DAPK2: variants seen among roughly 807,000 people sequenced by gnomAD.
DAPK2 encodes the protein death-associated protein kinase 2.
DAPK2 carries 35 observed loss-of-function variants against 44.1 expected under a neutral mutation model. That is an observed-to-expected ratio of 0.79 (90% CI 0.61 to 1.05). The LOEUF is 1.05. Ranked by LOEUF, DAPK2 falls within the 50% of genes least tolerant of loss-of-function variation. The pLI, the probability that DAPK2 is intolerant of heterozygous loss-of-function variation, is 0.00. For synonymous variants in DAPK2, 174 were observed against 182.6 expected (o/e 0.95, Z 0.38); for missense variants, 453 against 483.2 (o/e 0.94, Z 0.59).
At chr15:63,971,452 T>A in exon 3 of DAPK2, 1 of 1,614,232 alleles carries the variant, frequency 6.2e-7, no homozygotes, top group Non-Finnish European at 8.5e-7. Context: ...ATTTTCTTTG[T>A]GTGAAGGTAG....
intron 2 of DAPK2, among the ~76,000 whole-genome samples, chr15:63,981,446 T>C (rs1780377724): frequency 1.3e-5 from 2 of 152,218 alleles, no homozygotes; most frequent in Non-Finnish European, 2.9e-5. Context: ...GAAATACTGG[T>C]ATGCAATTCA....
chr15:63,929,617 C>T, intron 5 of DAPK2, 40 bp from the exon 7 acceptor site: 1 of 1,613,338 alleles, frequency 6.2e-7, no homozygotes, highest in Non-Finnish European at 8.5e-7. Context: ...CCACCTGGGT[C>T]CCATCCCCGA....
Position 64,020,222 on chromosome 15 carries a change from T to C in DAPK2, c.92+19948A>G, listed in dbSNP as rs902754788. On this transcript the variant is annotated intron_variant, in intron 1 of 10. Coordinates refer to ENST00000261891, the Ensembl canonical transcript of DAPK2. This position sits in a 1 kb window ranked among gnomAD's most constrained non-coding sequence, Gnocchi z 4.5. Reference sequence around the variant, plus strand: ...GGGGAAAGGAAACTGAGGACTTGCCTAAGCACAGGCAGCTCCAGAGCCAAA... The same window carrying C: ...GGGGAAAGGAAACTGAGGACTTGCCCAAGCACAGGCAGCTCCAGAGCCAAA... Among the ~76,000 whole-genome samples, 3 of 152,210 alleles carry C rather than the reference T, an allele frequency of 2.0e-5. No individual in the cohort carries two copies. The highest frequency in any genetic ancestry group is 7.2e-5 in the African/African-American group (3 of 41,450).
chr15:63,972,351 T>A (rs7182498), intron 2 of DAPK2, among the ~76,000 whole-genome samples: 2 of 151,962 alleles, frequency 1.3e-5, no homozygotes, highest in East Asian at 1.9e-4. Flanking sequence ...GGGTGCCAAC[T>A]AGAAAAAGCC....
chr15:63,944,333 T>C (rs2077395709), intron 3 of DAPK2, among the ~76,000 whole-genome samples: 1 of 152,164 alleles, frequency 6.6e-6, no homozygotes, highest in Non-Finnish European at 1.5e-5. Flanking sequence ...ACAGAGGCCA[T>C]GGCTCCCTGC....
In DAPK2 at chr15:63,925,750, G is replaced by A. The variant is rs150948524; in HGVS notation, c.812+191C>T. 1.5e-4 allele frequency among the ~76,000 whole-genome samples: 22 copies of A among 149,068 alleles called. No homozygotes were observed. In the Middle Eastern group the frequency reaches 0.01, roughly 70 times the overall value. On this transcript the variant is annotated intron_variant, in intron 7 of 10. Transcript: ENST00000261891. ...ATTTACATTTCAACAGGAGAAGAAA[G>A]CAGAAAGACTTGAGCAAACAAGATG...
chr15:63,929,507 C>T (rs368133104), intron 6 of DAPK2, 44 bp downstream of exon 7: 1 of 1,613,410 alleles, frequency 6.2e-7, no homozygotes, highest in Non-Finnish European at 8.5e-7. Flanking sequence ...TCTGGTTCCC[C>T]CAGATCTAAG....
chr15:63,984,661 A>T (rs2078622489), intron 1 of DAPK2, among the ~76,000 whole-genome samples: 1 of 152,210 alleles, frequency 6.6e-6, no homozygotes, highest in African/African-American at 2.4e-5. Context: ...ATTTGCCATC[A>T]TTGCCCCATG....
intron 1 of DAPK2, among the ~76,000 whole-genome samples, chr15:64,025,473 G>A (rs1171224788): frequency 2.6e-5 from 4 of 152,174 alleles, no homozygotes; most frequent in East Asian, 1.9e-4. Context: ...CTGGAAGGAT[G>A]TCAGGGCAAG....
chr15:64,041,239 C>T (rs1177996295), upstream of DAPK2, among the ~76,000 whole-genome samples: 1 of 152,128 alleles, frequency 6.6e-6, no homozygotes, highest in African/African-American at 2.4e-5. Flanking sequence ...GAGTCAGGAG[C>T]CTGAGGTGCT....
intron 6 of DAPK2, among the ~76,000 whole-genome samples, chr15:63,926,793 A>ACTCCCTTGATGAATCACATTACTT (rs1445253538): frequency 6.6e-6 from 1 of 151,952 alleles, no homozygotes; most frequent in Non-Finnish European, 1.5e-5. Flanking sequence ...CATTCCAAGC[A>ACTCCCTTGATGAATCACATTACTT]CTCCCTTGAT....
chr15:63,938,406 G>T (rs527860966), intron 4 of DAPK2, among the ~76,000 whole-genome samples: 8 of 152,244 alleles, frequency 5.3e-5, no homozygotes, highest in Non-Finnish European at 1.0e-4. Flanking sequence ...CCTGGGATCT[G>T]TGGGGTCTCT....
At chr15:64,041,407 C>A (rs7173139), upstream of DAPK2, among the ~76,000 whole-genome samples, 30,064 of 152,198 alleles carry the variant, frequency 0.2, 3,050 homozygotes, top group South Asian at 0.24. Context: ...TACCACTCCA[C>A]CAGAAAAGAC....
rs939539718 is a variant in DAPK2, at chr15:63,908,568, G to C, written c.1065C>G (p.Ile355Met). The C allele has an allele frequency of 1.1e-5, 18 of 1,602,158 alleles. No homozygotes were observed. Among genetic ancestry groups the C allele is most frequent in the Non-Finnish European group, 1.4e-5 (17 of 1,175,632 alleles). ...GTGGGTGGAGGGCTTTCCTCCTGGC[G>C]ATGTCCTCCTCAGTGTCACTCTCAC... The change falls in exon 11 of 11, where the codon ATC (isoleucine) becomes ATG (methionine). Residue 355 changes from isoleucine (I) to methionine (M), a missense_variant. Coordinates refer to ENST00000261891, the Ensembl canonical transcript of DAPK2. The surrounding 1 kb of genome is among the most constrained non-coding windows in gnomAD (Gnocchi z 5.7).
chr15:64,002,633 T>C (rs531493628), intron 1 of DAPK2, among the ~76,000 whole-genome samples: 1 of 152,200 alleles, frequency 6.6e-6, no homozygotes, highest in Admixed American at 6.5e-5. Context: ...GAGGCTCACA[T>C]AGCAATGCAA....
chr15:63,972,455 G>A (rs2078239109), intron 2 of DAPK2, among the ~76,000 whole-genome samples: 1 of 152,174 alleles, frequency 6.6e-6, no homozygotes, highest in Non-Finnish European at 1.5e-5. Context: ...TACCTAAGTG[G>A]CCATCAACAA....
Position 64,013,246 on chromosome 15 carries a change from G to A in DAPK2, c.92+26924C>T, listed in dbSNP as rs950458518. 1.3e-5 allele frequency among the ~76,000 whole-genome samples: 2 copies of A among 152,214 alleles called. No individual in the cohort carries two copies. The highest frequency in any genetic ancestry group is 1.9e-4 in the East Asian group (1 of 5,200). ...AGTCTAACTCCCTTGTTCTGCATGG[G>A]ATTATGGAAATGGGGTAACCTGCCA... is the stretch of plus-strand genomic sequence containing the variant. On this transcript the variant is annotated intron_variant, in intron 1 of 10. Coordinates refer to ENST00000261891, the Ensembl canonical transcript of DAPK2. The surrounding 1 kb of genome is among the most constrained non-coding windows in gnomAD (Gnocchi z 4.7).
At chr15:63,997,802 G>A (rs1007936391) in intron 1 of DAPK2, among the ~76,000 whole-genome samples, 1 of 152,282 alleles carries the variant, frequency 6.6e-6, no homozygotes, top group East Asian at 1.9e-4. Context: ...CTGAGGGCAC[G>A]GAGGTCTCTG....
intron 1 of DAPK2, among the ~76,000 whole-genome samples, chr15:64,033,724 C>T (rs1307344819): frequency 3.3e-5 from 5 of 152,068 alleles, no homozygotes; most frequent in East Asian, 3.9e-4. Flanking sequence ...CTGGCTAACA[C>T]GGTGAAACCC....
Sources: gnomAD v4.1 joint callset for allele counts (sites outside exome capture counted in the v4.1 genomes callset) on GRCh38, gnomAD v4.1.1 for gene constraint, Gnocchi (gnomAD v3.1) non-coding constraint, MANE v1.5 for transcripts, NCBI Gene and HGNC (gene_info 2026-07-23, HGNC 2026-07-21) for gene names.